The following NT5C2 variants were observed in gnomAD, a reference collection of about 807,000 sequenced individuals.
The protein encoded by NT5C2 is cytosolic purine 5'-nucleotidase.
A neutral mutation model predicts 76.1 loss-of-function variants in NT5C2; 58 were observed. The observed-to-expected ratio is 0.76, with a 90% CI of 0.62 to 0.95. The LOEUF is 0.95. NT5C2 is among the 40% of genes least tolerant of loss of function. The pLI, the probability that NT5C2 is intolerant of heterozygous loss-of-function variation, is 0.00. For missense variants in NT5C2, 478 were observed against 690.3 expected, an observed-to-expected ratio of 0.69 and a Z score of 3.45; for synonymous variants, 229 against 237.4, an observed-to-expected ratio of 0.96 and a Z score of 0.32.
chr10:103,179,563 C>G (rs983337551), intron 2 of NT5C2, among the ~76,000 whole-genome samples: 8 of 152,100 alleles, frequency 5.3e-5, no homozygotes, highest in African/African-American at 1.9e-4. Flanking sequence ...TTTAGTAACA[C>G]AGTGGTTTGC....
At position 103,090,966 on chromosome 10, in the gene NT5C2, T is replaced by C; in HGVS notation, c.1242A>G (p.Pro414=). The C allele has an allele frequency of 1.2e-6, 2 of 1,614,018 alleles. No individual in the cohort carries two copies. The highest frequency in any genetic ancestry group is 1.7e-6 in the Non-Finnish European group (2 of 1,180,008). ...KHLDSSSNER[P]DISSIQRRIK... is the part of the protein sequence containing the mutation. ...TACGTCTCTGGATGGAACTGATGTC[T>C]GGACGCTCATTGCTACTGCTGTCAA... is the stretch of plus-strand genomic sequence containing the variant. Residue 414 remains proline (P), a synonymous_variant, in exon 17 of 19, where the codon CCA becomes CCG. Transcript: ENST00000404739.
At chr10:103,145,856 CTCCA>C (rs777827946) in intron 3 of NT5C2, among the ~76,000 whole-genome samples, 9 of 152,148 alleles carry the variant, frequency 5.9e-5, no homozygotes, top group Admixed American at 5.2e-4. Flanking sequence ...CTTGAATAAA[CTCCA>C]TCCAAGTAAA....
intron 1 of NT5C2, among the ~76,000 whole-genome samples, chr10:103,184,851 G>A (rs2091809247): frequency 6.6e-6 from 1 of 152,178 alleles, no homozygotes; most frequent in Non-Finnish European, 1.5e-5. Flanking sequence ...AAGTTGAGAA[G>A]AGAGAACTTG....
At chr10:103,127,020 G>C (rs1353164031) in intron 4 of NT5C2, among the ~76,000 whole-genome samples, 2 of 152,130 alleles carry the variant, frequency 1.3e-5, no homozygotes, top group Non-Finnish European at 2.9e-5. Context: ...AGGTTCCCCA[G>C]GCTGGTCTCA....
chr10:103,103,613 G>A (rs2070379939), intron 6 of NT5C2, among the ~76,000 whole-genome samples: 1 of 152,002 alleles, frequency 6.6e-6, no homozygotes, highest in South Asian at 2.1e-4. Context: ...ATTTGGGGGA[G>A]GTAATATATC....
At chr10:103,190,804 T>C (rs902007808) in intron 1 of NT5C2, among the ~76,000 whole-genome samples, 1 of 152,212 alleles carries the variant, frequency 6.6e-6, no homozygotes, top group African/African-American at 2.4e-5. Context: ...ATTACAACAC[T>C]TATTCAACAA....
At chr10:103,117,450 C>A (rs906232090) in intron 4 of NT5C2, among the ~76,000 whole-genome samples, 16 of 152,174 alleles carry the variant, frequency 1.1e-4, no homozygotes, top group Non-Finnish European at 2.1e-4. Context: ...AGTTCAAGAT[C>A]CAACTGGGCA....
chr10:103,150,832 T>G (rs2082272787), intron 3 of NT5C2, among the ~76,000 whole-genome samples: 1 of 152,204 alleles, frequency 6.6e-6, no homozygotes, highest in Admixed American at 6.5e-5. Context: ...ACAAGAGTTC[T>G]TCGTATATTT....
Position 103,089,363 on chromosome 10 carries a change from C to A in NT5C2, c.*309G>T, listed in dbSNP as rs981057592. The A allele has an allele frequency of 3.6e-6, 1 of 281,172 alleles. No homozygotes were observed. The highest frequency in any genetic ancestry group is 6.7e-6 in the Non-Finnish European group (1 of 149,848). 17.4% of individuals were successfully genotyped at this position (281,172 alleles called of 1,614,324 possible). A position where few individuals can be genotyped will look rare whatever the true frequency, so the allele number is the denominator to read the frequency against. Reference sequence around the variant, plus strand: ...TTCCTTTTCCTCGTGTATCCAGATACACTGACATACGGATGATTTTAAAAG... The same window carrying A: ...TTCCTTTTCCTCGTGTATCCAGATAAACTGACATACGGATGATTTTAAAAG... On this transcript the variant is annotated 3_prime_UTR_variant, in exon 19 of 19. Coordinates refer to ENST00000404739, the MANE Select transcript of NT5C2 (RefSeq NM_001351169.2).
rs775226683 is a variant in NT5C2 at position 103,090,929 on chromosome 10, T to TG, written c.1272+6dup. The TG allele has an allele frequency of 6.2e-7, 1 of 1,613,444 alleles. No individual in the cohort carries two copies. The highest frequency in any genetic ancestry group is 2.2e-5 in the East Asian group (1 of 44,886). On this transcript the variant is annotated splice_region_variant and intron_variant, in intron 17 of 18. Coordinates refer to ENST00000404739, the MANE Select transcript of NT5C2 (RefSeq NM_001351169.2). Reference sequence around the variant, plus strand: ...CCCAAGTTTTCTCCCAAATCCCATTTGGATACCTTAATACGTCTCTGGATG... The same window carrying TG: ...CCCAAGTTTTCTCCCAAATCCCATTTGGGATACCTTAATACGTCTCTGGATG...
intron 1 of NT5C2, among the ~76,000 whole-genome samples, chr10:103,185,010 C>CTG (rs3834416): frequency 0.41 from 61,955 of 151,838 alleles, 12,788 homozygotes; most frequent in East Asian, 0.53. Flanking sequence ...ACAAAAAAGA[C>CTG]TAATTTTGCT....
At chr10:103,108,313 G>A (rs1013417078) in intron 4 of NT5C2, among the ~76,000 whole-genome samples, 1 of 152,126 alleles carries the variant, frequency 6.6e-6, no homozygotes, top group Non-Finnish European at 1.5e-5. Context: ...AATGCCAAAT[G>A]AGGCAAAAAT....
At chr10:103,182,124 ATTT>A (rs1440387825) in intron 1 of NT5C2, among the ~76,000 whole-genome samples, 2 of 152,142 alleles carry the variant, frequency 1.3e-5, no homozygotes. Flanking sequence ...TTAAAAAGTC[ATTT>A]TACATGTCTG....
chr10:103,121,337 G>T (rs1467586051), intron 4 of NT5C2, among the ~76,000 whole-genome samples: 3 of 152,126 alleles, frequency 2.0e-5, no homozygotes, highest in African/African-American at 7.2e-5. Flanking sequence ...GATGCCTGTA[G>T]TGACAATACA....
At chr10:103,160,194 A>C (rs2084482116) in intron 3 of NT5C2, among the ~76,000 whole-genome samples, 1 of 152,148 alleles carries the variant, frequency 6.6e-6, no homozygotes, top group Non-Finnish European at 1.5e-5. Context: ...AGTCATGTGC[A>C]AAAAAATGAA....
intron 5 of NT5C2, among the ~76,000 whole-genome samples, 166 bp downstream of exon 5, chr10:103,106,423 T>C (rs1413234233): frequency 1.3e-5 from 2 of 152,166 alleles, no homozygotes; most frequent in African/African-American, 4.8e-5. Context: ...ATATGGAAAG[T>C]TCATGGTAAT....
intron 4 of NT5C2, among the ~76,000 whole-genome samples, chr10:103,116,228 G>A (rs2074301414): frequency 6.6e-6 from 1 of 152,060 alleles, no homozygotes; most frequent in Non-Finnish European, 1.5e-5. Context: ...AAAAGTAGAG[G>A]AAATATGTAA....
chr10:103,110,590 T>C (rs1050009012), intron 4 of NT5C2, among the ~76,000 whole-genome samples: 2 of 152,178 alleles, frequency 1.3e-5, no homozygotes, highest in Non-Finnish European at 2.9e-5. Context: ...CCAATTTTTT[T>C]CAACTAGTCC....
intron 2 of NT5C2, among the ~76,000 whole-genome samples, chr10:103,177,522 C>G (rs1173764972): frequency 6.6e-6 from 1 of 152,078 alleles, no homozygotes; most frequent in African/African-American, 2.4e-5. Flanking sequence ...ATATACCTCC[C>G]TTCCTCTCTC....
Sources: allele counts gnomAD v4.1 joint callset (sites outside exome capture counted in the v4.1 genomes callset), GRCh38; gene constraint gnomAD v4.1.1; transcripts MANE v1.5; gene names NCBI Gene and HGNC (gene_info 2026-07-23, HGNC 2026-07-21).